UVRAG: variants seen among roughly 807,000 people sequenced by gnomAD.
UVRAG encodes UV radiation resistance associated.
In UVRAG, 19 loss-of-function variants were observed where a neutral mutation model predicts 78.0. The observed-to-expected ratio is 0.24, with a 90% CI of 0.17 to 0.36. The LOEUF is 0.36. Among genes scored for constraint, UVRAG ranks in the 10% least tolerant of loss-of-function variants. The pLI is 1.00. For synonymous variants in UVRAG, 323 were observed against 324.6 expected, an observed-to-expected ratio of 1.00 and a Z score of 0.05; for missense variants, 740 against 853.8, an observed-to-expected ratio of 0.87 and a Z score of 1.66.
chr11:76,007,883 TTTAC>T (rs942490238), intron 10 of UVRAG, among the ~76,000 whole-genome samples: 1 of 152,174 alleles, frequency 6.6e-6, no homozygotes, highest in African/African-American at 2.4e-5. Context: ...TTAGGATCTT[TTTAC>T]TTAACCACAT....
intron 3 of UVRAG, among the ~76,000 whole-genome samples, chr11:75,862,702 T>A (rs1343721257): frequency 2.6e-5 from 4 of 152,256 alleles, no homozygotes; most frequent in Admixed American, 2.6e-4. Flanking sequence ...AGCAGTTCTC[T>A]TTCCCCAGTC....
chr11:76,025,665 G>C lies in UVRAG; in HGVS notation c.1226+8685G>C, dbSNP rs558270984. ...TCCTGACCTTACCAAAACCCCAAGA[G>C]TTGCCCTTTTTACCTGATTGATTCT... On this transcript the variant is annotated intron_variant, in intron 12 of 14. Coordinates refer to ENST00000356136, the MANE Select transcript of UVRAG (RefSeq NM_003369.4). 3.9e-5 allele frequency among the ~76,000 whole-genome samples: 6 copies of C among 152,188 alleles called. No individual in the cohort carries two copies. The East Asian group carries it at 5.8e-4, about 15-fold the overall frequency.
chr11:76,075,795 C>T (rs1951394452), intron 13 of UVRAG, among the ~76,000 whole-genome samples: 1 of 152,268 alleles, frequency 6.6e-6, no homozygotes, highest in Non-Finnish European at 1.5e-5. Flanking sequence ...CTTTCTGTTT[C>T]TATAGATTTG....
At chr11:75,824,301 A>C (rs1008797900) in intron 1 of UVRAG, among the ~76,000 whole-genome samples, 1 of 152,192 alleles carries the variant, frequency 6.6e-6, no homozygotes, top group Middle Eastern at 3.2e-3. Flanking sequence ...GAAACTTAAG[A>C]TATCAGCATC....
chr11:76,077,798 A>C (rs1951430029), intron 13 of UVRAG, among the ~76,000 whole-genome samples: 1 of 151,994 alleles, frequency 6.6e-6, no homozygotes. Flanking sequence ...GAAACATCTT[A>C]CATAACAGGC....
At chr11:75,905,220 CTG>C (rs1324297940) in intron 5 of UVRAG, among the ~76,000 whole-genome samples, 5 of 152,170 alleles carry the variant, frequency 3.3e-5, no homozygotes, top group Non-Finnish European at 7.4e-5. Context: ...ACTGTCTCCT[CTG>C]TCCTTTTTCT....
At chr11:75,889,127 A>G (rs891642887) in intron 5 of UVRAG, among the ~76,000 whole-genome samples, 4 of 152,360 alleles carry the variant, frequency 2.6e-5, no homozygotes, top group African/African-American at 7.2e-5. Context: ...TAATTTTTCT[A>G]CAGGAAATCT....
At chr11:75,828,092 G>T (rs760496284) in intron 1 of UVRAG, among the ~76,000 whole-genome samples, 1 of 152,040 alleles carries the variant, frequency 6.6e-6, no homozygotes, top group Non-Finnish European at 1.5e-5. Context: ...GCTCATTACA[G>T]GTCTAGGATA....
chr11:75,858,040 C>G (rs1946333209), intron 2 of UVRAG, among the ~76,000 whole-genome samples: 2 of 152,064 alleles, frequency 1.3e-5, no homozygotes, highest in Admixed American at 1.3e-4. Flanking sequence ...TTTCAGGTCA[C>G]TTTTGCTTAT....
intron 13 of UVRAG, among the ~76,000 whole-genome samples, chr11:76,071,021 T>A (rs951692783): frequency 1.3e-5 from 2 of 152,196 alleles, no homozygotes; most frequent in Admixed American, 1.3e-4. Flanking sequence ...AATTGTATGT[T>A]ATGTGAATCA....
At chr11:76,125,950 C>CTTTTT (rs71036075) in intron 14 of UVRAG, among the ~76,000 whole-genome samples, 1 of 137,676 alleles carries the variant, frequency 7.3e-6, no homozygotes, top group Non-Finnish European at 1.6e-5. Context: ...CTGGCAGTCA[C>CTTTTT]TTTTTTTTTT....
At chr11:76,084,064 G>C (rs1209035371) in intron 13 of UVRAG, among the ~76,000 whole-genome samples, 1 of 152,168 alleles carries the variant, frequency 6.6e-6, no homozygotes, top group African/African-American at 2.4e-5. Context: ...TAGAATGTAA[G>C]TGCTTCATCT....
intron 1 of UVRAG, among the ~76,000 whole-genome samples, chr11:75,845,507 A>C (rs1411531161): frequency 6.6e-6 from 1 of 152,228 alleles, no homozygotes; most frequent in Admixed American, 6.5e-5. Context: ...CAGAAAAAAG[A>C]ATGAGATCAT....
chr11:76,090,655 A>G (rs1326859767), intron 13 of UVRAG, among the ~76,000 whole-genome samples: 3 of 152,094 alleles, frequency 2.0e-5, no homozygotes, highest in South Asian at 2.1e-4. Flanking sequence ...GTATACTGTG[A>G]TTACTTTTTT....
intron 12 of UVRAG, among the ~76,000 whole-genome samples, chr11:76,043,350 G>T (rs1267333965): frequency 6.6e-6 from 1 of 152,126 alleles, no homozygotes; most frequent in Non-Finnish European, 1.5e-5. Context: ...CTCAGCAAAT[G>T]AATCAAAAGC....
chr11:75,817,309 C>T (rs1371304852), intron 1 of UVRAG, among the ~76,000 whole-genome samples: 1 of 152,144 alleles, frequency 6.6e-6, no homozygotes, highest in East Asian at 1.9e-4. Flanking sequence ...GAGAAAGCAT[C>T]ATTTACTTCA....
chr11:75,894,114 G>A (rs1947286434), intron 5 of UVRAG, among the ~76,000 whole-genome samples: 1 of 152,150 alleles, frequency 6.6e-6, no homozygotes, highest in Non-Finnish European at 1.5e-5. Context: ...CTGACTGTAA[G>A]CTAACAAACA....
intron 1 of UVRAG, among the ~76,000 whole-genome samples, chr11:75,829,750 A>G (rs1478053208): frequency 2.0e-5 from 3 of 152,368 alleles, no homozygotes; most frequent in Middle Eastern, 3.4e-3. Flanking sequence ...GCCCTATACT[A>G]TATGTAAACA....
chr11:75,970,190 TTGTATC>T (rs1028368666), intron 7 of UVRAG, among the ~76,000 whole-genome samples: 2 of 152,154 alleles, frequency 1.3e-5, no homozygotes, highest in African/African-American at 4.8e-5. Context: ...AATTTCAGAT[TTGTATC>T]TGGAGGTAAA....
Sources: allele counts gnomAD v4.1 joint callset (sites outside exome capture counted in the v4.1 genomes callset), GRCh38; gene constraint gnomAD v4.1.1; transcripts MANE v1.5; gene names NCBI Gene and HGNC (gene_info 2026-07-23, HGNC 2026-07-21).